PRKCA: variants seen among roughly 807,000 people sequenced by gnomAD.
The protein encoded by PRKCA is protein kinase C alpha, also known as protein kinase C alpha type.
Under a neutral mutation model 87.0 loss-of-function variants are expected in PRKCA, and 27 were observed. That is an observed-to-expected ratio of 0.31 (90% CI 0.23 to 0.43). The LOEUF (loss-of-function observed/expected upper bound fraction) is 0.43. Ranked by LOEUF, PRKCA falls within the 20% of genes least tolerant of loss-of-function variation. PRKCA has a pLI of 1.00. For synonymous variants in PRKCA, 329 were observed against 311.1 expected, an observed-to-expected ratio of 1.06 and a Z score of -0.61; for missense variants, 518 against 852.3, an observed-to-expected ratio of 0.61 and a Z score of 4.88.
intron 12 of PRKCA, 67 bp downstream of exon 12, chr17:66,741,788 A>C: frequency 6.6e-7 from 1 of 1,508,266 alleles, no homozygotes; most frequent in Non-Finnish European, 9.2e-7. Context: ...TGGGCATGTC[A>C]TTCTGGAATG....
At chr17:66,610,193 C>T (rs569707384) in intron 3 of PRKCA, among the ~76,000 whole-genome samples, 3 of 152,304 alleles carry the variant, frequency 2.0e-5, no homozygotes, top group Admixed American at 6.5e-5. Flanking sequence ...ACGTTACTTA[C>T]ATTTACCAGT....
intron 5 of PRKCA, among the ~76,000 whole-genome samples, chr17:66,650,361 T>C (rs1971561246): frequency 1.3e-5 from 2 of 151,922 alleles, no homozygotes; most frequent in South Asian, 4.2e-4. Flanking sequence ...GTCGGGGTTT[T>C]TTTTTCTTCT....
chr17:66,350,358 G>T (rs1907667654), intron 2 of PRKCA, among the ~76,000 whole-genome samples: 1 of 152,092 alleles, frequency 6.6e-6, no homozygotes, highest in African/African-American at 2.4e-5. Context: ...GGTCTTTCAT[G>T]TGGGTGTCCG....
intron 3 of PRKCA, among the ~76,000 whole-genome samples, chr17:66,606,590 T>C (rs552708244): frequency 1.6e-3 from 251 of 152,312 alleles, no homozygotes; most frequent in African/African-American, 4.2e-3. Context: ...AACAAAGATA[T>C]TAAAATTAGA....
At position 66,786,939 on chromosome 17, in the gene PRKCA, T is replaced by C. The variant is rs1308056551; in HGVS notation, c.1678T>C (p.Ser560Pro). ...GGAGCACAACGTTTCCTATCCAAAA[T>C]CCTTGTCCAAGGAGGCTGTTTCTGT... ...IMEHNVSYPKSLSKEAVSVCK... is the reference protein window; with the variant it reads ...IMEHNVSYPKPLSKEAVSVCK... Residue 560 changes from serine (S) to proline (P), a missense_variant, in exon 15 of 17, where the codon TCC becomes CCC. Coordinates refer to ENST00000413366, the MANE Select transcript of PRKCA (RefSeq NM_002737.3). The C allele has an allele frequency of 1.2e-6, 2 of 1,613,952 alleles. No homozygotes were observed. The highest frequency in any genetic ancestry group is 1.7e-6 in the Non-Finnish European group (2 of 1,179,894).
chr17:66,356,438 A>G (rs1429262485), intron 2 of PRKCA, among the ~76,000 whole-genome samples: 8 of 152,122 alleles, frequency 5.3e-5, no homozygotes, highest in Non-Finnish European at 2.9e-5. Flanking sequence ...GATCGAGGCC[A>G]TCCTAGCTAA....
At chr17:66,567,736 T>A (rs2143365183) in intron 3 of PRKCA, among the ~76,000 whole-genome samples, 1 of 152,320 alleles carries the variant, frequency 6.6e-6, no homozygotes, top group South Asian at 2.1e-4. Context: ...AGCCAGACAC[T>A]TGAGAAATTT....
intron 2 of PRKCA, among the ~76,000 whole-genome samples, chr17:66,358,233 A>T (rs541579642): frequency 1.3e-5 from 2 of 152,104 alleles, no homozygotes; most frequent in East Asian, 3.9e-4. Flanking sequence ...CCTGGACAAG[A>T]TTCTTACCTT....
At chr17:66,467,428 T>A (rs1339436842) in intron 2 of PRKCA, among the ~76,000 whole-genome samples, 1 of 152,218 alleles carries the variant, frequency 6.6e-6, no homozygotes, top group Non-Finnish European at 1.5e-5. Flanking sequence ...TTTGACTAAA[T>A]AATAGCTTAG....
Position 66,645,332 on chromosome 17 carries a change from G to A in PRKCA, c.401-51G>A, listed in dbSNP as rs573179184. 263 of 1,611,958 alleles carry A rather than the reference G, an allele frequency of 1.6e-4. 3 individuals are homozygous for A. The East Asian group carries it at 3.9e-3, about 24-fold the overall frequency. On this transcript the variant is annotated intron_variant, in intron 4 of 16. Transcript: ENST00000413366. ...CTCATGCACCAAAACACTGAGGAGC[G>A]GTGGTTGGAGTCCATATGCCCAGCT...
At chr17:66,524,876 T>G (rs990972705) in intron 3 of PRKCA, among the ~76,000 whole-genome samples, 2 of 152,224 alleles carry the variant, frequency 1.3e-5, no homozygotes, top group African/African-American at 2.4e-5. Flanking sequence ...CAATGCCTTT[T>G]TATGTAGAAA....
chr17:66,473,086 C>T lies in PRKCA; in HGVS notation c.206-23115C>T, dbSNP rs928006361. Among the ~76,000 whole-genome samples the T allele has an allele frequency of 3.9e-5, 6 of 152,156 alleles. 1 individual carries two copies. Among genetic ancestry groups the T allele is most frequent in the Non-Finnish European group, 5.9e-5 (4 of 68,028 alleles). On this transcript the variant is annotated intron_variant, in intron 2 of 16. Transcript: ENST00000413366. ...GCAGCCACCTCTCCTCCTCCACTCCCCCACTCCCCCATTCCCCCATTCCTC... is the reference window on the plus strand; with the variant it reads ...GCAGCCACCTCTCCTCCTCCACTCCTCCACTCCCCCATTCCCCCATTCCTC...
intron 14 of PRKCA, among the ~76,000 whole-genome samples, chr17:66,776,056 C>A (rs1023391647): frequency 6.6e-6 from 1 of 152,212 alleles, no homozygotes; most frequent in African/African-American, 2.4e-5. Flanking sequence ...GGAGCCACCA[C>A]GCGAAGGCCC....
At chr17:66,370,102 A>G (rs1243914289) in intron 2 of PRKCA, among the ~76,000 whole-genome samples, 1 of 152,134 alleles carries the variant, frequency 6.6e-6, no homozygotes, top group Non-Finnish European at 1.5e-5. Flanking sequence ...TGGTCGCCCT[A>G]CTTGTTCCCT....
At chr17:66,690,908 C>T (rs908882903) in intron 8 of PRKCA, among the ~76,000 whole-genome samples, 12 of 151,484 alleles carry the variant, frequency 7.9e-5, no homozygotes, top group Non-Finnish European at 1.8e-4. Context: ...CTTTAAGAGG[C>T]CAAGGCAGGC....
At chr17:66,719,897 T>C (rs1973571241) in intron 8 of PRKCA, among the ~76,000 whole-genome samples, 2 of 152,182 alleles carry the variant, frequency 1.3e-5, no homozygotes, top group African/African-American at 4.8e-5. Context: ...GCTGTAGAAA[T>C]TATTTTAAAG....
At chr17:66,527,593 AC>A (rs1352897998) in intron 3 of PRKCA, among the ~76,000 whole-genome samples, 2 of 152,170 alleles carry the variant, frequency 1.3e-5, no homozygotes, top group Admixed American at 1.3e-4. Context: ...AATGCCGCAG[AC>A]CTTTGTCTGC....
chr17:66,464,603 C>T (rs970706051), intron 2 of PRKCA, among the ~76,000 whole-genome samples: 12 of 152,274 alleles, frequency 7.9e-5, no homozygotes, highest in East Asian at 3.9e-4. Context: ...CTTTAATTTG[C>T]AGATCCCTAA....
chr17:66,392,440 A>G (rs1910421043), intron 2 of PRKCA, among the ~76,000 whole-genome samples: 1 of 152,202 alleles, frequency 6.6e-6, no homozygotes, highest in Non-Finnish European at 1.5e-5. Context: ...TCTTTCAAAA[A>G]GCTTACTATC....
Sources: gnomAD v4.1 joint callset for allele counts (sites outside exome capture counted in the v4.1 genomes callset) on GRCh38, gnomAD v4.1.1 for gene constraint, MANE v1.5 for transcripts, NCBI Gene and HGNC (gene_info 2026-07-23, HGNC 2026-07-21) for gene names.